SEC24D: variants seen among roughly 807,000 people sequenced by gnomAD.
SEC24D encodes SEC24 homolog D, COPII component.
Under a neutral mutation model 116.9 loss-of-function variants are expected in SEC24D, and 69 were observed. That is an observed-to-expected ratio of 0.59 (90% CI 0.49 to 0.72). The LOEUF (loss-of-function observed/expected upper bound fraction) is 0.72. SEC24D is among the 30% of genes least tolerant of loss of function. The probability of loss-of-function intolerance (pLI) is 0.00; values close to 1 mark genes in which losing one functional copy is unlikely to be tolerated. For synonymous variants in SEC24D, 405 were observed against 442.8 expected (o/e 0.91, Z 1.07); for missense variants, 1,131 against 1,264.1 (o/e 0.89, Z 1.60).
At chr4:118,771,174 T>TA (rs1056112214) in intron 8 of SEC24D, among the ~76,000 whole-genome samples, 64 of 151,726 alleles carry the variant, frequency 4.2e-4, no homozygotes, top group Non-Finnish European at 8.0e-4. Flanking sequence ...TGCATGGCTT[T>TA]AAAAAAAAAT....
At chr4:118,779,143 A>C (rs2110484265) in intron 8 of SEC24D, among the ~76,000 whole-genome samples, 1 of 152,176 alleles carries the variant, frequency 6.6e-6, no homozygotes, top group South Asian at 2.1e-4. Context: ...CACTATGTTG[A>C]GTAGGAGTGG....
At chr4:118,729,778 G>A (rs1578373453) in intron 21 of SEC24D, 1 of 152,208 alleles carries the variant, frequency 6.6e-6, no homozygotes, top group Admixed American at 6.5e-5. Flanking sequence ...ATGTGAGTTA[G>A]AATGTTTCAC....
At chr4:118,788,674 G>T (rs942415574) in intron 8 of SEC24D, among the ~76,000 whole-genome samples, 2 of 152,164 alleles carry the variant, frequency 1.3e-5, no homozygotes, top group Non-Finnish European at 2.9e-5. Context: ...GGTGAACAGG[G>T]TTATAAATGA....
intron 2 of SEC24D, among the ~76,000 whole-genome samples, chr4:118,826,278 G>A (rs1313444395): frequency 6.6e-6 from 1 of 152,076 alleles, no homozygotes. Flanking sequence ...TTGTGACTCC[G>A]ATAAGATACT....
chr4:118,818,861 A>T (rs1043769929), intron 3 of SEC24D, among the ~76,000 whole-genome samples: 1 of 152,254 alleles, frequency 6.6e-6, no homozygotes, highest in Non-Finnish European at 1.5e-5. Context: ...TGGAATGAAT[A>T]ACATTGTAAC....
At chr4:118,772,712 G>A (rs1384457820) in intron 8 of SEC24D, among the ~76,000 whole-genome samples, 1 of 152,154 alleles carries the variant, frequency 6.6e-6, no homozygotes, top group Non-Finnish European at 1.5e-5. Flanking sequence ...ATTAGCCATC[G>A]TGGTGCAAAA....
intron 7 of SEC24D, among the ~76,000 whole-genome samples, chr4:118,804,482 T>G (rs956227964): frequency 1.2e-4 from 18 of 151,912 alleles, no homozygotes; most frequent in African/African-American, 3.9e-4. Context: ...CAATATTGTT[T>G]TATATTTATT....
chr4:118,823,701 T>C (rs1364669274), intron 3 of SEC24D, among the ~76,000 whole-genome samples: 2 of 152,254 alleles, frequency 1.3e-5, no homozygotes, highest in Non-Finnish European at 1.5e-5. Flanking sequence ...TAGTCCCTAG[T>C]GGGCTGCAGG....
chr4:118,764,539 C>T (rs1727546101), intron 10 of SEC24D: 3 of 324,380 alleles, frequency 9.2e-6, no homozygotes, highest in South Asian at 9.9e-5. Context: ...TATATTCTGT[C>T]TGGCAAGGAC....
At position 118,805,940 on chromosome 4, in the gene SEC24D, C is replaced by T. The variant is rs760805608; in HGVS notation, c.816G>A (p.Glu272=). The part of the protein sequence containing the change: ...DSIPSPIQVI[E]NDRASRGGQV... Reference sequence around the variant, plus strand: ...GTCCTCCTCTGCTGGCTCTATCATTCTCAATCACCTGGATCTGATAAATAA... The same window carrying T: ...GTCCTCCTCTGCTGGCTCTATCATTTTCAATCACCTGGATCTGATAAATAA... Residue 272 remains glutamate (E), a synonymous_variant, in exon 7 of 23, where the codon GAG becomes GAA. Transcript: ENST00000280551. The T allele has an allele frequency of 6.3e-6, 10 of 1,597,358 alleles. No individual in the cohort carries two copies. In the South Asian group the frequency reaches 1.0e-4, roughly 17 times the overall value.
chr4:118,752,468 G>A (rs1417524528), intron 12 of SEC24D, among the ~76,000 whole-genome samples: 1 of 152,156 alleles, frequency 6.6e-6, no homozygotes, highest in Non-Finnish European at 1.5e-5. Context: ...CAATAGGGCT[G>A]AATGTGAGCA....
intron 2 of SEC24D, 41 bp from the exon 3 acceptor site, chr4:118,824,790 C>A: frequency 6.6e-7 from 1 of 1,516,068 alleles, no homozygotes; most frequent in Non-Finnish European, 8.8e-7. Context: ...TATTAAAGTA[C>A]AAAGAGAGAT....
chr4:118,738,155 A>G (rs1726057458), intron 19 of SEC24D, 106 bp downstream of exon 19: 2 of 768,478 alleles, frequency 2.6e-6, no homozygotes, highest in Non-Finnish European at 4.5e-6. Context: ...GTTTACTGTA[A>G]CAGCATCTAA....
intron 8 of SEC24D, among the ~76,000 whole-genome samples, chr4:118,786,530 G>A (rs1480336896): frequency 2.0e-5 from 3 of 152,154 alleles, no homozygotes; most frequent in African/African-American, 7.2e-5. Context: ...ATGAAGCAAG[G>A]TATAGATAGT....
Position 118,745,578 on chromosome 4 carries a change from A to G in SEC24D, c.1708-518T>C, listed in dbSNP as rs1342914141. On this transcript the variant is annotated intron_variant, in intron 13 of 22. Coordinates refer to ENST00000280551, the MANE Select transcript of SEC24D (RefSeq NM_014822.4). Reference sequence around the variant, plus strand: ...CAACAGTAGACAACAGGAACCAGCTATGAGGCATGAGGCCAAAAGGAAAAG... The same window carrying G: ...CAACAGTAGACAACAGGAACCAGCTGTGAGGCATGAGGCCAAAAGGAAAAG... Among the ~76,000 whole-genome samples, 6 of 152,328 alleles carry G rather than the reference A, an allele frequency of 3.9e-5. No homozygotes were observed. In the East Asian group the frequency reaches 1.2e-3, roughly 29 times the overall value.
intron 8 of SEC24D, among the ~76,000 whole-genome samples, chr4:118,793,966 G>A (rs530787504): frequency 5.9e-5 from 9 of 152,212 alleles, no homozygotes; most frequent in East Asian, 3.9e-4. Flanking sequence ...CAAGTAGAGC[G>A]TCTCCCTAAG....
At chr4:118,789,401 C>T (rs1206362688) in intron 8 of SEC24D, among the ~76,000 whole-genome samples, 3 of 152,160 alleles carry the variant, frequency 2.0e-5, no homozygotes, top group African/African-American at 7.2e-5. Flanking sequence ...CCATCACTGA[C>T]GTAACGTATT....
intron 3 of SEC24D, among the ~76,000 whole-genome samples, chr4:118,820,177 A>ATTTT (rs748302677): frequency 3.9e-5 from 5 of 127,468 alleles, no homozygotes; most frequent in African/African-American, 1.1e-4. Flanking sequence ...AATTAGTTTA[A>ATTTT]TTTTTTTTTT....
intron 11 of SEC24D, among the ~76,000 whole-genome samples, chr4:118,756,733 G>A (rs1275818831): frequency 6.6e-6 from 1 of 152,076 alleles, no homozygotes; most frequent in Non-Finnish European, 1.5e-5. Flanking sequence ...CTCGCATGAG[G>A]GATGGCATTC....
Sources: gnomAD v4.1 joint callset for allele counts (sites outside exome capture counted in the v4.1 genomes callset) on GRCh38, gnomAD v4.1.1 for gene constraint, MANE v1.5 for transcripts, NCBI Gene and HGNC (gene_info 2026-07-23, HGNC 2026-07-21) for gene names.